The following SDK1 variants were observed in gnomAD, a reference collection of about 807,000 sequenced individuals.
SDK1 encodes protein sidekick-1.
Under a neutral mutation model 245.5 loss-of-function variants are expected in SDK1, and 157 were observed. The ratio of observed to expected loss-of-function variants is 0.64; its 90% CI spans 0.56 to 0.73. SDK1 has a LOEUF of 0.73. Among genes scored for constraint, SDK1 ranks in the 30% least tolerant of loss-of-function variants. The pLI is 0.00. For synonymous variants in SDK1, 1,647 were observed against 1,278.5 expected (o/e 1.29, Z -6.15); for missense variants, 3,583 against 3,002.3 (o/e 1.19, Z -4.52).
At chr7:3,317,022 G>C (rs1779680233) in intron 1 of SDK1, among the ~76,000 whole-genome samples, 2 of 151,166 alleles carry the variant, frequency 1.3e-5, no homozygotes, top group Non-Finnish European at 3.0e-5. Context: ...TCTACACAAC[G>C]TACAAAAACT....
At chr7:3,903,526 T>C (rs1341860979) in intron 5 of SDK1, among the ~76,000 whole-genome samples, 2 of 152,236 alleles carry the variant, frequency 1.3e-5, no homozygotes, top group Admixed American at 6.5e-5. Flanking sequence ...GTTTATAGGA[T>C]TGTAAAAGGG....
chr7:3,762,194 C>T lies in SDK1; in HGVS notation c.714-59256C>T, dbSNP rs1016893237. On this transcript the variant is annotated intron_variant, in intron 4 of 44. Transcript: ENST00000404826. ...TACAACAATCCTTTCAGCTTAGATC[C>T]GTGGTTTCTAGTTGAGGAAGCAGTA... 5.3e-5 allele frequency among the ~76,000 whole-genome samples: 8 copies of T among 152,090 alleles called. No homozygotes were observed. In the East Asian group the frequency reaches 5.8e-4, roughly 11 times the overall value.
intron 1 of SDK1, among the ~76,000 whole-genome samples, chr7:3,479,009 C>T (rs1469132440): frequency 6.6e-6 from 1 of 152,072 alleles, no homozygotes; most frequent in African/African-American, 2.4e-5. Context: ...AACTTGATTG[C>T]ATTGTGCTTA....
intron 4 of SDK1, among the ~76,000 whole-genome samples, chr7:3,722,544 C>T (rs1240937609): frequency 2.0e-5 from 3 of 152,138 alleles, no homozygotes; most frequent in African/African-American, 7.2e-5. Context: ...TATCTATGTC[C>T]CTGTGCTGCT....
At chr7:4,239,784 C>G (rs934332634) in intron 42 of SDK1, among the ~76,000 whole-genome samples, 1 of 152,192 alleles carries the variant, frequency 6.6e-6, no homozygotes, top group Non-Finnish European at 1.5e-5. Flanking sequence ...GAGCTCAGCT[C>G]ATTTGTTGGA....
Position 4,051,673 on chromosome 7 carries a change from C to A in SDK1, c.2754C>A (p.Val918=). 6.2e-7 allele frequency: 1 copy of A among 1,613,156 alleles called. No individual in the cohort carries two copies. The highest frequency in any genetic ancestry group is 1.1e-5 in the South Asian group (1 of 90,812). Residue 918 remains valine (V), a synonymous_variant, in exon 19 of 45, where the codon GTC becomes GTA. Coordinates refer to ENST00000404826, the MANE Select transcript of SDK1 (RefSeq NM_152744.4). Reference sequence around the variant, plus strand: ...GGCCGGCAGATGCCCCCGAGGCTGTCACTGTGGTCACTATTGCCCCAGATT... The same window carrying A: ...GGCCGGCAGATGCCCCCGAGGCTGTAACTGTGGTCACTATTGCCCCAGATT... The part of the protein sequence containing the change: ...LAWPADAPEA[V]TVVTIAPDFH...
At chr7:3,371,879 G>A (rs919493024) in intron 1 of SDK1, among the ~76,000 whole-genome samples, 1 of 152,116 alleles carries the variant, frequency 6.6e-6, no homozygotes, top group East Asian at 1.9e-4. Context: ...AACGAACAGA[G>A]GTTTCTACTT....
chr7:3,500,192 T>C (rs1328983028), intron 1 of SDK1, among the ~76,000 whole-genome samples: 1 of 152,164 alleles, frequency 6.6e-6, no homozygotes, highest in African/African-American at 2.4e-5. Flanking sequence ...GTTGTTTAGC[T>C]CTGATCCTGT....
rs1784136813 is a variant in SDK1 at position 3,682,567 on chromosome 7, G to A, written c.713+40462G>A. ...GTGCTGAGCCCCCATGCATGGGGCA[G>A]TGAGCCTTCAGCACGGCTGGCCTCT... On this transcript the variant is annotated intron_variant, in intron 4 of 44. Transcript: ENST00000404826. Among the ~76,000 whole-genome samples, 3 of 152,282 alleles carry A rather than the reference G, an allele frequency of 2.0e-5. No individual in the cohort carries two copies. The South Asian group carries it at 6.2e-4, about 32-fold the overall frequency.
At chr7:3,816,622 A>T (rs531392457) in intron 4 of SDK1, among the ~76,000 whole-genome samples, 6 of 152,114 alleles carry the variant, frequency 3.9e-5, no homozygotes, top group Non-Finnish European at 8.8e-5. Flanking sequence ...CCAACCAAAA[A>T]GAGTCCAGGA....
chr7:3,564,826 G>C (rs991605934), intron 1 of SDK1, among the ~76,000 whole-genome samples: 4 of 152,068 alleles, frequency 2.6e-5, no homozygotes, highest in Non-Finnish European at 5.9e-5. Flanking sequence ...AGTGAAGAGA[G>C]AGATGTTCAG....
intron 1 of SDK1, among the ~76,000 whole-genome samples, chr7:3,441,355 A>G (rs1372786585): frequency 1.3e-5 from 2 of 152,264 alleles, no homozygotes; most frequent in South Asian, 2.1e-4. Context: ...ACTCTTGTAC[A>G]TCATGACATG....
rs78522892 is a variant in SDK1 at position 4,017,374 on chromosome 7, C to T, written c.2602+22C>T. 0.011 allele frequency: 16,662 copies of T among 1,585,042 alleles called. 1,040 individuals are homozygous for T. In the East Asian group the frequency reaches 0.19, roughly 18 times the overall value. Reference sequence around the variant, plus strand: ...GGAGGTAAGCTTGTCTCCAAAACCACGAGGTGGCGGGATCTTTGCCGGGGA... The same window carrying T: ...GGAGGTAAGCTTGTCTCCAAAACCATGAGGTGGCGGGATCTTTGCCGGGGA... On this transcript the variant is annotated intron_variant, in intron 17 of 44. Coordinates refer to ENST00000404826, the MANE Select transcript of SDK1 (RefSeq NM_152744.4).
At chr7:3,737,406 G>T (rs1779347370) in intron 4 of SDK1, among the ~76,000 whole-genome samples, 1 of 152,232 alleles carries the variant, frequency 6.6e-6, no homozygotes, top group Non-Finnish European at 1.5e-5. Flanking sequence ...GCTGGTCAGG[G>T]TCTCTGGCTG....
chr7:3,726,852 T>C (rs999659420), intron 4 of SDK1, among the ~76,000 whole-genome samples: 2 of 152,190 alleles, frequency 1.3e-5, no homozygotes, highest in Non-Finnish European at 2.9e-5. Flanking sequence ...TACTCAACCC[T>C]TGACATGAAA....
chr7:4,252,745 C>T (rs1032483243), intron 44 of SDK1, among the ~76,000 whole-genome samples: 4 of 151,650 alleles, frequency 2.6e-5, no homozygotes, highest in African/African-American at 7.3e-5. Context: ...CAGTGAAGTC[C>T]TCTGGTCTCG....
Position 3,991,172 on chromosome 7 carries a change from C to T in SDK1, c.2131+3850C>T, listed in dbSNP as rs577599294. Among the ~76,000 whole-genome samples the T allele has an allele frequency of 2.8e-4, 42 of 152,308 alleles. No homozygotes were observed. The South Asian group carries it at 8.7e-3, about 32-fold the overall frequency. On this transcript the variant is annotated intron_variant, in intron 14 of 44. Transcript: ENST00000404826. ...TCTTCAAAGAAGATGTGACATGAGA[C>T]CTGGGCCAGACGGGCGACGAGGGAC...
intron 4 of SDK1, among the ~76,000 whole-genome samples, chr7:3,770,790 C>A (rs1037694129): frequency 6.6e-6 from 1 of 152,130 alleles, no homozygotes. Flanking sequence ...AGTGGGACTC[C>A]TGTTCAGCTC....
At position 3,938,515 on chromosome 7, in the gene SDK1, A is replaced by G. The variant is rs919416055; in HGVS notation, c.848-12408A>G. On this transcript the variant is annotated intron_variant, in intron 5 of 44. Coordinates refer to ENST00000404826, the MANE Select transcript of SDK1 (RefSeq NM_152744.4). ...AACAAAATTAGCCGGGCGTGGTGGC[A>G]GGCACCAGTAGTCCCAGCTACTTGG... 1.8e-3 allele frequency among the ~76,000 whole-genome samples: 268 copies of G among 152,116 alleles called. 1 individual carries two copies. The highest frequency in any genetic ancestry group is 6.2e-3 in the African/African-American group (258 of 41,480).
Sources: allele counts gnomAD v4.1 joint callset (sites outside exome capture counted in the v4.1 genomes callset), GRCh38; gene constraint gnomAD v4.1.1; transcripts MANE v1.5; gene names NCBI Gene and HGNC (gene_info 2026-07-23, HGNC 2026-07-21).